MYO9A: variants seen among roughly 807,000 people sequenced by gnomAD.
MYO9A encodes the protein unconventional myosin-IXa.
In MYO9A, 103 loss-of-function variants were observed where a neutral mutation model predicts 293.3. The observed-to-expected ratio is 0.35, with a 90% confidence interval of 0.30 to 0.41. The LOEUF is 0.41. Ranked by LOEUF, MYO9A falls within the 10% of genes least tolerant of loss-of-function variation. MYO9A has a pLI of 1.00. For synonymous variants in MYO9A, 1,001 were observed against 1,035.7 expected, an observed-to-expected ratio of 0.97 and a Z score of 0.64; for missense variants, 2,685 against 3,033.0, an observed-to-expected ratio of 0.89 and a Z score of 2.69.
At chr15:71,989,963 A>C (rs1243663070) in intron 11 of MYO9A, among the ~76,000 whole-genome samples, 3 of 152,078 alleles carry the variant, frequency 2.0e-5, no homozygotes, top group African/African-American at 7.2e-5. Context: ...CCAGAGGTCG[A>C]CACAGTGAGC....
chr15:71,870,199 T>G (rs1407131958), intron 32 of MYO9A, among the ~76,000 whole-genome samples: 1 of 151,900 alleles, frequency 6.6e-6, no homozygotes, highest in Non-Finnish European at 1.5e-5. Flanking sequence ...TGTATTACTT[T>G]CATGGTAAAA....
At chr15:71,954,704 C>T (rs535242296) in intron 14 of MYO9A, among the ~76,000 whole-genome samples, 2 of 152,272 alleles carry the variant, frequency 1.3e-5, no homozygotes, top group South Asian at 2.1e-4. Flanking sequence ...TAAGGCCTAA[C>T]ACAGATTGCT....
intron 34 of MYO9A, among the ~76,000 whole-genome samples, chr15:71,857,002 A>G (rs767752615): frequency 3.9e-5 from 6 of 152,200 alleles, no homozygotes; most frequent in South Asian, 2.1e-4. Flanking sequence ...ATAGAATAGA[A>G]TAAGGCTTGC....
Position 71,826,866 on chromosome 15 carries a change from T to C in MYO9A, c.7361A>G (p.Tyr2454Cys). 1.9e-6 allele frequency: 3 copies of C among 1,614,148 alleles called. No individual in the cohort carries two copies. The highest frequency in any genetic ancestry group is 2.5e-6 in the Non-Finnish European group (3 of 1,180,010). The change falls in exon 42 of 42, where the codon TAT becomes TGT. Residue 2454 changes from tyrosine to cysteine, a missense_variant. Transcript: ENST00000356056. The stretch of plus-strand genomic sequence containing the variant: ...AGCTCGGTAGAATGGAGATTTGGAA[T>C]AAATCTGAAATAGTTTTCTGGTCCC... ...SHGTRKLFQIYSKSPFYRAAS... is the reference protein window; with the variant it reads ...SHGTRKLFQICSKSPFYRAAS...
At chr15:71,877,322 C>G (rs2056725463) in intron 31 of MYO9A, among the ~76,000 whole-genome samples, 2 of 152,166 alleles carry the variant, frequency 1.3e-5, no homozygotes, top group South Asian at 4.1e-4. Context: ...TATTATTATA[C>G]AGACTTCCCA....
rs558038772 is a variant in MYO9A at position 71,977,315 on chromosome 15, C to A, written c.1844+856G>T. Among the ~76,000 whole-genome samples, 5 of 152,312 alleles carry A rather than the reference C, an allele frequency of 3.3e-5. No individual in the cohort carries two copies. The South Asian group carries it at 1.0e-3, about 32-fold the overall frequency. On this transcript the variant is annotated intron_variant, in intron 12 of 41. Coordinates refer to ENST00000356056, the MANE Select transcript of MYO9A (RefSeq NM_006901.4). Reference sequence around the variant, plus strand: ...GCATTGGCGCCATCTCGGCTCACTGCAACCTCTGCCTCCTGGGTTCAAGCG... The same window carrying A: ...GCATTGGCGCCATCTCGGCTCACTGAAACCTCTGCCTCCTGGGTTCAAGCG...
Position 71,826,722 on chromosome 15 carries a change from A to G in MYO9A, c.7505T>C (p.Leu2502Ser). ...CTGAGGTGAGTTTTTCACATTCTTT[A>G]ATTTTTGTTTGCCCTTTTCCGGGTT... ...TFNPEKGKQK[L>S]KNVKNSPQKT... The change falls in exon 42 of 42, where the codon TTA becomes TCA. Residue 2502 changes from leucine (L) to serine (S), a missense_variant. Physicochemically the swap from Leu to Ser is moderately radical, Grantham distance 145. Coordinates refer to ENST00000356056, the MANE Select transcript of MYO9A (RefSeq NM_006901.4). 6.2e-7 allele frequency: 1 copy of G among 1,613,944 alleles called. No individual in the cohort carries two copies. Among genetic ancestry groups the G allele is most frequent in the African/African-American group, 1.3e-5 (1 of 74,970 alleles).
At chr15:72,020,375 G>A (rs1450704802) in intron 5 of MYO9A, among the ~76,000 whole-genome samples, 1 of 152,070 alleles carries the variant, frequency 6.6e-6, no homozygotes. Context: ...TGAGTTTTGA[G>A]GAAAGATCCA....
chr15:72,046,652 CAA>C lies in MYO9A; in HGVS notation c.-71-20_-71-19del. On this transcript the variant is annotated intron_variant, in intron 1 of 41. Coordinates refer to ENST00000356056, the MANE Select transcript of MYO9A (RefSeq NM_006901.4). ...TAAAATAACTGTAACATAAAAGATG[CAA>C]AATATTTAGAAGTAAATACACATTG... 1.4e-6 allele frequency: 2 copies of C among 1,432,588 alleles called. No individual in the cohort carries two copies. The highest frequency in any genetic ancestry group is 1.8e-6 in the Non-Finnish European group (2 of 1,082,314). The allele number at this position is 1,432,588 out of a possible 1,614,324, so 88.7% of individuals were successfully genotyped here. A position where few individuals can be genotyped will look rare whatever the true frequency, so the allele number is the denominator to read the frequency against.
intron 1 of MYO9A, among the ~76,000 whole-genome samples, chr15:72,085,931 A>G (rs2079707420): frequency 6.6e-6 from 1 of 152,172 alleles, no homozygotes; most frequent in Non-Finnish European, 1.5e-5. Flanking sequence ...CCCAGATTAC[A>G]TGCTCTAAAT....
chr15:72,022,496 G>A (rs1285701716), intron 4 of MYO9A, among the ~76,000 whole-genome samples: 1 of 151,862 alleles, frequency 6.6e-6, no homozygotes. Flanking sequence ...ACTCCAGCCT[G>A]GTGACAAGGC....
intron 2 of MYO9A, among the ~76,000 whole-genome samples, chr15:72,038,685 T>A (rs2078135466): frequency 6.6e-6 from 1 of 152,180 alleles, no homozygotes; most frequent in South Asian, 2.1e-4. Flanking sequence ...ATGGAAGCCA[T>A]GTACTGAGAA....
intron 18 of MYO9A, among the ~76,000 whole-genome samples, chr15:71,924,551 A>C (rs967204714): frequency 3.3e-5 from 5 of 152,032 alleles, no homozygotes; most frequent in Non-Finnish European, 5.9e-5. Context: ...TCCCAATTTG[A>C]AATTTTTTTA....
chr15:71,935,593 GCT>G, intron 16 of MYO9A, 109 bp from the exon 17 acceptor site: 1 of 1,151,090 alleles, frequency 8.7e-7, no homozygotes. Context: ...AGAAAAAAAT[GCT>G]AAACCAACCA....
At chr15:71,879,873 A>T (rs762437989) in intron 29 of MYO9A, 36 bp from the exon 30 acceptor site, 1 of 1,358,116 alleles carries the variant, frequency 7.4e-7, no homozygotes, top group African/African-American at 1.4e-5. Context: ...TACACAATCA[A>T]CTAATTGAAA....
chr15:72,116,963 T>C (rs1476710613), intron 1 of MYO9A: 2 of 152,198 alleles, frequency 1.3e-5, no homozygotes, highest in Non-Finnish European at 2.9e-5. Flanking sequence ...TAAGCCACAA[T>C]GGAGGGAATA....
intron 3 of MYO9A, among the ~76,000 whole-genome samples, chr15:72,028,420 G>T (rs2077751367): frequency 6.7e-6 from 1 of 148,388 alleles, no homozygotes; most frequent in Non-Finnish European, 1.5e-5. Flanking sequence ...GGCCGAGGAG[G>T]GTGGATCACC....
intron 1 of MYO9A, among the ~76,000 whole-genome samples, chr15:72,101,903 G>A (rs1234023632): frequency 1.9e-4 from 29 of 152,284 alleles, no homozygotes; most frequent in Middle Eastern, 3.4e-3. Context: ...GGCCCCGCCC[G>A]GGAGGTGAGG....
At chr15:71,850,484 G>A (rs1019045681) in intron 37 of MYO9A, among the ~76,000 whole-genome samples, 4 of 152,102 alleles carry the variant, frequency 2.6e-5, no homozygotes, top group Non-Finnish European at 4.4e-5. Context: ...ATGCAGAATC[G>A]GCCAGGCACG....
Sources: allele counts gnomAD v4.1 joint callset (sites outside exome capture counted in the v4.1 genomes callset), GRCh38; gene constraint gnomAD v4.1.1; transcripts MANE v1.5; gene names NCBI Gene and HGNC (gene_info 2026-07-23, HGNC 2026-07-21).